The following CACNG3 variants were observed in gnomAD, a reference collection of about 807,000 sequenced individuals.
CACNG3 encodes voltage-dependent calcium channel gamma-3 subunit.
CACNG3 carries 3 observed loss-of-function variants against 28.5 expected under a neutral mutation model. The observed-to-expected ratio is 0.11, with a 90% CI of 0.05 to 0.27. The LOEUF is 0.27. Ranked by LOEUF, CACNG3 falls within the 10% of genes least tolerant of loss-of-function variation. The pLI is 1.00. For missense variants in CACNG3, 236 were observed against 414.4 expected, an observed-to-expected ratio of 0.57 and a Z score of 3.74; for synonymous variants, 174 against 162.2, an observed-to-expected ratio of 1.07 and a Z score of -0.55.
At chr16:24,360,598 T>C (rs1900092306) in intron 3 of CACNG3, among the ~76,000 whole-genome samples, 1 of 152,228 alleles carries the variant, frequency 6.6e-6, no homozygotes, top group Non-Finnish European at 1.5e-5. Flanking sequence ...GACCCATACA[T>C]TTCCACTGAG....
intron 1 of CACNG3, among the ~76,000 whole-genome samples, chr16:24,311,878 T>C (rs988655907): frequency 5.3e-5 from 8 of 152,156 alleles, no homozygotes; most frequent in Non-Finnish European, 8.8e-5. Flanking sequence ...TAAAATTAAA[T>C]GGTGGTAAGT....
chr16:24,286,581 G>A (rs1898898167), intron 1 of CACNG3, among the ~76,000 whole-genome samples: 1 of 152,124 alleles, frequency 6.6e-6, no homozygotes, highest in South Asian at 2.1e-4. Context: ...GCCCCCAGAG[G>A]ACACTGCTCT....
At chr16:24,265,495 G>T (rs897883340) in intron 1 of CACNG3, among the ~76,000 whole-genome samples, 2 of 145,822 alleles carry the variant, frequency 1.4e-5, no homozygotes, top group African/African-American at 5.2e-5. Context: ...AGAGAAAGAA[G>T]GAAAGAAAAG....
intron 1 of CACNG3, among the ~76,000 whole-genome samples, chr16:24,310,267 A>G (rs2141364145): frequency 6.6e-6 from 1 of 152,348 alleles, no homozygotes; most frequent in South Asian, 2.1e-4. Flanking sequence ...AATAGCTCTT[A>G]TTTAAACAGT....
At chr16:24,315,996 A>G (rs1039437358) in intron 1 of CACNG3, among the ~76,000 whole-genome samples, 39 of 152,224 alleles carry the variant, frequency 2.6e-4, no homozygotes, top group African/African-American at 9.4e-4. Context: ...AGCATGTACT[A>G]TGTGCCAGGC....
In CACNG3 at chr16:24,332,171, A is replaced by G. The variant is rs745498038; in HGVS notation, c.212-14563A>G. 3.9e-5 allele frequency among the ~76,000 whole-genome samples: 6 copies of G among 152,224 alleles called. No homozygotes were observed. In the South Asian group the frequency reaches 6.2e-4, roughly 16 times the overall value. ...CTCCAGATATCTATTGAACAAAAGA[A>G]TGAATCAGGGACCGGGTGCAATGGC... is the stretch of plus-strand genomic sequence containing the variant. On this transcript the variant is annotated intron_variant, in intron 1 of 3. Transcript: ENST00000005284.
chr16:24,261,446 C>T (rs1423068649), intron 1 of CACNG3, among the ~76,000 whole-genome samples: 2 of 152,142 alleles, frequency 1.3e-5, no homozygotes, highest in African/African-American at 4.8e-5. Context: ...TGTAAAATAT[C>T]TTGATTTTTA....
chr16:24,273,621 T>C (rs1180670440), intron 1 of CACNG3, among the ~76,000 whole-genome samples: 1 of 152,262 alleles, frequency 6.6e-6, no homozygotes, highest in African/African-American at 2.4e-5. Context: ...ATTCTGATTA[T>C]GTAGATAATG....
intron 1 of CACNG3, among the ~76,000 whole-genome samples, chr16:24,334,183 T>G (rs1251286812): frequency 1.3e-5 from 2 of 152,232 alleles, no homozygotes; most frequent in Non-Finnish European, 2.9e-5. Context: ...CCTACAACGC[T>G]GGACCCTAGG....
intron 1 of CACNG3, among the ~76,000 whole-genome samples, chr16:24,257,321 AG>A (rs1274492818): frequency 8.6e-6 from 1 of 116,366 alleles, no homozygotes; most frequent in Non-Finnish European, 1.7e-5. Context: ...TTTCGAAGGG[AG>A]GGGGAGGGAA....
intron 1 of CACNG3, among the ~76,000 whole-genome samples, chr16:24,265,100 G>C (rs958856720): frequency 6.6e-6 from 1 of 152,084 alleles, no homozygotes; most frequent in Non-Finnish European, 1.5e-5. Context: ...AAGTTAGCCA[G>C]GTGTGCTGGC....
At position 24,260,922 on chromosome 16, in the gene CACNG3, A is replaced by C. The variant is rs183154633; in HGVS notation, c.211+3957A>C. Among the ~76,000 whole-genome samples, 80 of 152,344 alleles carry C rather than the reference A, an allele frequency of 5.3e-4. 3 individuals are homozygous for C. In the East Asian group the frequency reaches 0.01, roughly 20 times the overall value. ...GTGAATTTGAATGAGAACGTGTTCA[A>C]TATGTGACTCTCTCATTAAGAAAAC... On this transcript the variant is annotated intron_variant, in intron 1 of 3. Transcript: ENST00000005284.
chr16:24,263,530 G>A (rs550111272), intron 1 of CACNG3, among the ~76,000 whole-genome samples: 2 of 152,270 alleles, frequency 1.3e-5, no homozygotes, highest in African/African-American at 4.8e-5. Flanking sequence ...CTTTTTCAAT[G>A]TAGGAACAAA....
At chr16:24,261,236 G>A (rs866030851) in intron 1 of CACNG3, among the ~76,000 whole-genome samples, 43 of 152,278 alleles carry the variant, frequency 2.8e-4, no homozygotes, top group Middle Eastern at 3.4e-3. Flanking sequence ...GTTTGGAGGC[G>A]GGTAACGGTA....
At chr16:24,286,629 T>C (rs959310398) in intron 1 of CACNG3, among the ~76,000 whole-genome samples, 1 of 152,156 alleles carries the variant, frequency 6.6e-6, no homozygotes, top group Non-Finnish European at 1.5e-5. Context: ...ATTTATTGTG[T>C]CCCACCCAGG....
intron 1 of CACNG3, among the ~76,000 whole-genome samples, chr16:24,309,096 C>T (rs995005189): frequency 6.6e-6 from 1 of 152,144 alleles, no homozygotes; most frequent in African/African-American, 2.4e-5. Flanking sequence ...GCAGTGGCGG[C>T]TGGCTCTGAG....
intron 2 of CACNG3, among the ~76,000 whole-genome samples, chr16:24,352,131 A>G (rs963311470): frequency 6.6e-6 from 1 of 152,074 alleles, no homozygotes; most frequent in Admixed American, 6.6e-5. Context: ...TAAGTTACCA[A>G]ATTTTCAGAA....
intron 1 of CACNG3, among the ~76,000 whole-genome samples, chr16:24,327,923 GA>G (rs1899579631): frequency 6.6e-6 from 1 of 152,126 alleles, no homozygotes; most frequent in South Asian, 2.1e-4. Flanking sequence ...GAGTGTCACA[GA>G]AAGACCTTGT....
chr16:24,266,126 T>C (rs1596620488), intron 1 of CACNG3, among the ~76,000 whole-genome samples: 2 of 152,354 alleles, frequency 1.3e-5, no homozygotes, highest in East Asian at 3.9e-4. Context: ...ATGTAGCCCT[T>C]GTCCAGGTGC....
Sources: allele counts gnomAD v4.1 joint callset (sites outside exome capture counted in the v4.1 genomes callset), GRCh38; gene constraint gnomAD v4.1.1; transcripts MANE v1.5; gene names NCBI Gene and HGNC (gene_info 2026-07-23, HGNC 2026-07-21).